The following CKAP5 variants were observed in gnomAD, a reference collection of about 807,000 sequenced individuals.
The protein encoded by CKAP5 is cytoskeleton-associated protein 5.
In CKAP5, 27 loss-of-function variants were observed where a neutral mutation model predicts 232.8. The observed-to-expected ratio is 0.12, with a 90% CI of 0.09 to 0.16. CKAP5 has a LOEUF of 0.16. Ranked by LOEUF, CKAP5 falls within the 10% of genes least tolerant of loss-of-function variation. The pLI is 1.00. For missense variants in CKAP5, 1,838 were observed against 2,424.7 expected (o/e 0.76, Z 5.08); for synonymous variants, 785 against 841.1 (o/e 0.93, Z 1.16).
intron 9 of CKAP5, among the ~76,000 whole-genome samples, chr11:46,800,407 G>C (rs1939000396): frequency 6.6e-6 from 1 of 152,152 alleles, no homozygotes; most frequent in African/African-American, 2.4e-5. Flanking sequence ...ATGGACACAT[G>C]ACTAGGGACT....
chr11:46,750,535 G>C lies in CKAP5; in HGVS notation c.5537C>G (p.Thr1846Ser). 6.2e-7 allele frequency: 1 copy of C among 1,613,834 alleles called. No homozygotes were observed. Among genetic ancestry groups the C allele is most frequent in the Non-Finnish European group, 8.5e-7 (1 of 1,179,868 alleles). The change falls in exon 41 of 44, where the codon ACT becomes AGT. Residue 1846 changes from threonine to serine, a missense_variant. Transcript: ENST00000529230. ...TAACCCTTTCACTCTCACCTCTTTA[G>C]TGTTTTCTTTAGAGCCAATCTTCTT... ...IFKKIGSKENTKEGLAELYEY... is the reference protein window; with the variant it reads ...IFKKIGSKENSKEGLAELYEY...
At chr11:46,760,151 A>G (rs1312651231) in intron 33 of CKAP5, among the ~76,000 whole-genome samples, 1 of 152,182 alleles carries the variant, frequency 6.6e-6, no homozygotes, top group Non-Finnish European at 1.5e-5. Context: ...ACCAAGTATA[A>G]CACAAAGAAG....
intron 42 of CKAP5, among the ~76,000 whole-genome samples, chr11:46,749,457 G>GAA (rs951405505): frequency 0.045 from 3,473 of 76,452 alleles, 119 homozygotes; most frequent in African/African-American, 0.083. Context: ...TCCGTCTCAA[G>GAA]AAAAAAAAAA....
chr11:46,831,640 T>C (rs1008045040), intron 1 of CKAP5, among the ~76,000 whole-genome samples: 1 of 152,118 alleles, frequency 6.6e-6, no homozygotes, highest in Non-Finnish European at 1.5e-5. Context: ...GTGAGCCTCC[T>C]GCCTCAGCCT....
At chr11:46,827,944 C>T (rs1233655306) in intron 1 of CKAP5, among the ~76,000 whole-genome samples, 1 of 152,180 alleles carries the variant, frequency 6.6e-6, no homozygotes, top group African/African-American at 2.4e-5. Context: ...TTGTGTCTCC[C>T]ATCATACCAA....
At chr11:46,826,292 G>A (rs1415156898) in intron 1 of CKAP5, among the ~76,000 whole-genome samples, 2 of 152,130 alleles carry the variant, frequency 1.3e-5, no homozygotes, top group Admixed American at 6.5e-5. Context: ...ACAGGCCTCT[G>A]GAGAGACAGC....
intron 1 of CKAP5, among the ~76,000 whole-genome samples, chr11:46,839,959 C>T (rs1940012027): frequency 6.6e-6 from 1 of 151,878 alleles, no homozygotes; most frequent in Non-Finnish European, 1.5e-5. Context: ...AGTAACATGG[C>T]AAAACCCCAT....
At chr11:46,825,089 C>T (rs1174124575) in intron 1 of CKAP5, among the ~76,000 whole-genome samples, 1 of 152,154 alleles carries the variant, frequency 6.6e-6, no homozygotes, top group Non-Finnish European at 1.5e-5. Flanking sequence ...ACCATATAGT[C>T]CATGCTATTG....
intron 8 of CKAP5, 149 bp downstream of exon 8, chr11:46,807,879 AAAC>A: frequency 1.9e-6 from 1 of 535,368 alleles, no homozygotes; most frequent in Admixed American, 3.4e-5. Context: ...CAGGAATTTA[AAAC>A]AACCCTTTAA....
rs143001121 is a variant in CKAP5 at position 46,765,807 on chromosome 11, G to A, written c.3412-551C>T. On this transcript the variant is annotated intron_variant, in intron 27 of 43. Transcript: ENST00000529230. ...TTTAGTAGAGACAGGGTTTCACCATGTTGTCCAGGCTGGTCTCGAGCTCCT... is the reference window on the plus strand; with the variant it reads ...TTTAGTAGAGACAGGGTTTCACCATATTGTCCAGGCTGGTCTCGAGCTCCT... Among the ~76,000 whole-genome samples, 211 of 152,074 alleles carry A rather than the reference G, an allele frequency of 1.4e-3. 3 individuals are homozygous for A. The East Asian group carries it at 0.032, about 23-fold the overall frequency.
intron 13 of CKAP5, among the ~76,000 whole-genome samples, chr11:46,795,110 C>T (rs1938838291): frequency 6.6e-6 from 1 of 152,068 alleles, no homozygotes; most frequent in Non-Finnish European, 1.5e-5. Context: ...GGGTGGATCA[C>T]CTGAGGTCAG....
intron 5 of CKAP5, among the ~76,000 whole-genome samples, chr11:46,810,302 G>T (rs530522015): frequency 1.6e-4 from 24 of 151,816 alleles, no homozygotes; most frequent in Non-Finnish European, 2.5e-4. Context: ...GCTCTACCAG[G>T]GCAAACAAGA....
chr11:46,809,670 T>C, intron 6 of CKAP5, 72 bp downstream of exon 6: 1 of 1,561,288 alleles, frequency 6.4e-7, no homozygotes, highest in Non-Finnish European at 8.8e-7. Flanking sequence ...ATATGCCTAA[T>C]GAACACAGAT....
chr11:46,812,324 G>A (rs115543291), intron 4 of CKAP5, among the ~76,000 whole-genome samples: 2,992 of 151,848 alleles, frequency 0.02, 98 homozygotes, highest in African/African-American at 0.069. Flanking sequence ...AACAGAGCAA[G>A]GTTCCGTCTC....
intron 27 of CKAP5, among the ~76,000 whole-genome samples, chr11:46,765,597 ATCTTT>A (rs1458113950): frequency 4.1e-5 from 5 of 121,160 alleles, no homozygotes; most frequent in Non-Finnish European, 8.1e-5. Flanking sequence ...TATTAATGAC[ATCTTT>A]TTTTTTTTTT....
chr11:46,767,502 C>T, intron 27 of CKAP5, 73 bp downstream of exon 27: 1 of 903,466 alleles, frequency 1.1e-6, no homozygotes, highest in Non-Finnish European at 1.8e-6. Flanking sequence ...TATGATCCTT[C>T]CTAATAGAAT....
chr11:46,845,184 T>C (rs948844261), intron 1 of CKAP5, among the ~76,000 whole-genome samples: 2 of 152,340 alleles, frequency 1.3e-5, no homozygotes, highest in East Asian at 1.9e-4. Flanking sequence ...TTCAGGGTGA[T>C]GAAAATGGAG....
intron 37 of CKAP5, 138 bp from the exon 38 acceptor site, chr11:46,752,848 A>G (rs1413560365): frequency 4.9e-6 from 3 of 606,274 alleles, no homozygotes; most frequent in Non-Finnish European, 8.7e-6. Context: ...GTCCTGGACT[A>G]CCTGACATTC....
At chr11:46,777,918 T>A (rs942568992) in intron 22 of CKAP5, among the ~76,000 whole-genome samples, 3 of 152,220 alleles carry the variant, frequency 2.0e-5, no homozygotes, top group African/African-American at 7.2e-5. Flanking sequence ...AATATTGGAT[T>A]CCTGCAAAAA....
Sources: gnomAD v4.1 joint callset for allele counts (sites outside exome capture counted in the v4.1 genomes callset) on GRCh38, gnomAD v4.1.1 for gene constraint, MANE v1.5 for transcripts, NCBI Gene and HGNC (gene_info 2026-07-23, HGNC 2026-07-21) for gene names.